The following ST6GALNAC3 variants were observed in gnomAD, a reference collection of about 807,000 sequenced individuals.
The protein encoded by ST6GALNAC3 is alpha-N-acetylgalactosaminide alpha-2,6-sialyltransferase 3.
ST6GALNAC3 carries 25 observed loss-of-function variants against 32.7 expected under a neutral mutation model. The observed-to-expected ratio is 0.76, with a 90% CI of 0.56 to 1.07. The LOEUF is 1.07. ST6GALNAC3 is among the 50% of genes least tolerant of loss of function. The pLI is 0.00. For synonymous variants in ST6GALNAC3, 129 were observed against 133.1 expected, an observed-to-expected ratio of 0.97 and a Z score of 0.21; for missense variants, 355 against 382.4, an observed-to-expected ratio of 0.93 and a Z score of 0.60.
intron 2 of ST6GALNAC3, among the ~76,000 whole-genome samples, chr1:76,404,685 C>A (rs909233000): frequency 6.6e-6 from 1 of 152,018 alleles, no homozygotes; most frequent in Non-Finnish European, 1.5e-5. Flanking sequence ...GTCTCTGGAG[C>A]TTTGTTCAAC....
intron 2 of ST6GALNAC3, among the ~76,000 whole-genome samples, chr1:76,334,919 G>C (rs1245222198): frequency 6.6e-6 from 1 of 151,992 alleles, no homozygotes; most frequent in Non-Finnish European, 1.5e-5. Context: ...ATAACTCCTG[G>C]GTGTGCATTA....
intron 3 of ST6GALNAC3, among the ~76,000 whole-genome samples, chr1:76,430,517 C>T (rs930074318): frequency 1.1e-4 from 17 of 152,178 alleles, no homozygotes; most frequent in Admixed American, 4.6e-4. Context: ...AGCTGAAATG[C>T]TGTTCCTTTT....
At chr1:76,454,192 T>G (rs1657605085) in intron 3 of ST6GALNAC3, among the ~76,000 whole-genome samples, 1 of 152,296 alleles carries the variant, frequency 6.6e-6, no homozygotes, top group South Asian at 2.1e-4. Context: ...GGTGAGTCTC[T>G]TGAAGACAGC....
chr1:76,509,188 GCAGTCTAGGACAAATAAA>G lies in ST6GALNAC3; in HGVS notation c.623+96775_623+96792del. Among the ~76,000 whole-genome samples the G allele has an allele frequency of 6.6e-6, 1 of 152,312 alleles. No homozygotes were observed. Among genetic ancestry groups the G allele is most frequent in the South Asian group, 2.1e-4 (1 of 4,824 alleles). ...TAAGAAAGTATCTCTATCACTCAGT[GCAGTCTAGGACAAATAAA>G]CAGGCAAACAAACAGGAAAACACAA... On this transcript the variant is annotated intron_variant, in intron 3 of 4. Transcript: ENST00000328299. The surrounding 1 kb of genome is among the most constrained non-coding windows in gnomAD (Gnocchi z 5.5).
At position 76,339,447 on chromosome 1, in the gene ST6GALNAC3, A is replaced by G. The variant is rs997131440; in HGVS notation, c.213+25448A>G. 3.0e-4 allele frequency among the ~76,000 whole-genome samples: 45 copies of G among 152,030 alleles called. 1 individual carries two copies. The highest frequency in any genetic ancestry group is 2.9e-3 in the Admixed American group (45 of 15,262). ...TCCCTAGAGCATTCAGATGGAACACACTCCTGCTGATACCTTGATTTTAAC... is the reference window on the plus strand; with the variant it reads ...TCCCTAGAGCATTCAGATGGAACACGCTCCTGCTGATACCTTGATTTTAAC... On this transcript the variant is annotated intron_variant, in intron 2 of 4. Transcript: ENST00000328299.
At chr1:76,099,726 G>T (rs1045540509) in intron 1 of ST6GALNAC3, among the ~76,000 whole-genome samples, 1 of 151,956 alleles carries the variant, frequency 6.6e-6, no homozygotes, top group African/African-American at 2.4e-5. Context: ...TATCAACTGG[G>T]GTGATGATTA....
intron 1 of ST6GALNAC3, among the ~76,000 whole-genome samples, chr1:76,110,384 G>A (rs1486462158): frequency 2.0e-5 from 3 of 152,226 alleles, no homozygotes; most frequent in Admixed American, 1.3e-4. Context: ...ATGCTTAAAT[G>A]CTTTCAAAAA....
intron 1 of ST6GALNAC3, among the ~76,000 whole-genome samples, chr1:76,143,295 T>TA (rs1227662397): frequency 1.3e-5 from 2 of 152,084 alleles, no homozygotes; most frequent in Non-Finnish European, 2.9e-5. Context: ...TCCTCACCAG[T>TA]CATTTGGCAG....
Position 76,327,281 on chromosome 1 carries a change from T to TGTGG in ST6GALNAC3, c.213+13285_213+13286insGGTG, listed in dbSNP as rs1186988918. On this transcript the variant is annotated intron_variant, in intron 2 of 4. Coordinates refer to ENST00000328299, the MANE Select transcript of ST6GALNAC3 (RefSeq NM_152996.4). ...GGATGTGTATGTATATATGCGTGTG[T>TGTGG]GTGTGTGTGTGTGTGTGTGTGTGTG... Among the ~76,000 whole-genome samples the TGTGG allele has an allele frequency of 5.5e-5, 5 of 91,528 alleles. No individual in the cohort carries two copies. In the East Asian group the frequency reaches 1.0e-3, roughly 19 times the overall value. 60.0% of individuals were successfully genotyped at this position (91,528 alleles called of 152,430 possible). A position where few individuals can be genotyped will look rare whatever the true frequency, so the allele number is the denominator to read the frequency against.
At chr1:76,141,490 A>G (rs778862778) in intron 1 of ST6GALNAC3, among the ~76,000 whole-genome samples, 6 of 152,184 alleles carry the variant, frequency 3.9e-5, no homozygotes, top group Non-Finnish European at 7.3e-5. Flanking sequence ...TAGAGAATCC[A>G]TGTCAGAGGA....
chr1:76,130,970 A>G (rs996093438), intron 1 of ST6GALNAC3, among the ~76,000 whole-genome samples: 1 of 152,218 alleles, frequency 6.6e-6, no homozygotes, highest in Non-Finnish European at 1.5e-5. Flanking sequence ...TTCACTGCTC[A>G]TTGCTGAGAA....
At chr1:76,614,705 C>T (rs561572707) in intron 3 of ST6GALNAC3, among the ~76,000 whole-genome samples, 120 of 119,330 alleles carry the variant, frequency 1.0e-3, no homozygotes, top group Middle Eastern at 0.012. Flanking sequence ...GGTGACAGAG[C>T]GAGACTCCAT....
At chr1:76,297,982 A>C (rs903427731) in intron 1 of ST6GALNAC3, among the ~76,000 whole-genome samples, 9 of 152,036 alleles carry the variant, frequency 5.9e-5, no homozygotes, top group Admixed American at 2.0e-4. Flanking sequence ...AGAAAAAAAA[A>C]CTATACTAAT....
intron 1 of ST6GALNAC3, among the ~76,000 whole-genome samples, chr1:76,131,239 A>C (rs1649590185): frequency 1.3e-5 from 2 of 152,190 alleles, no homozygotes; most frequent in South Asian, 4.1e-4. Flanking sequence ...TTATGGCCCA[A>C]CTGGTGTTAG....
intron 3 of ST6GALNAC3, among the ~76,000 whole-genome samples, chr1:76,569,033 G>A (rs181870684): frequency 2.8e-4 from 43 of 152,218 alleles, no homozygotes; most frequent in African/African-American, 9.4e-4. Flanking sequence ...AGACCTTAAT[G>A]AGTACTGCTT....
intron 3 of ST6GALNAC3, among the ~76,000 whole-genome samples, chr1:76,457,014 A>G (rs1409297153): frequency 2.0e-5 from 3 of 151,594 alleles, no homozygotes; most frequent in East Asian, 3.9e-4. Flanking sequence ...GTCTCAGGAT[A>G]CAAAATCAAT....
chr1:76,586,089 T>C lies in ST6GALNAC3; in HGVS notation c.624-41363T>C, dbSNP rs535635437. 1.5e-4 allele frequency among the ~76,000 whole-genome samples: 23 copies of C among 152,330 alleles called. No individual in the cohort carries two copies. The East Asian group carries it at 4.4e-3, about 29-fold the overall frequency. On this transcript the variant is annotated intron_variant, in intron 3 of 4. Coordinates refer to ENST00000328299, the MANE Select transcript of ST6GALNAC3 (RefSeq NM_152996.4). ...TCATCAAATTCTGTGGACTCTGTTT[T>C]GGTCTGTCCTAATCTCAACCCTTCT...
chr1:76,321,660 C>T (rs143913081), intron 2 of ST6GALNAC3, among the ~76,000 whole-genome samples: 37 of 152,298 alleles, frequency 2.4e-4, no homozygotes, highest in African/African-American at 8.4e-4. Flanking sequence ...ATCCATCAGT[C>T]AGTGCAGGTG....
chr1:76,545,657 C>CT (rs35495132), intron 3 of ST6GALNAC3, among the ~76,000 whole-genome samples: 1 of 134,580 alleles, frequency 7.4e-6, no homozygotes, highest in African/African-American at 2.7e-5. Context: ...GATGAAGAAA[C>CT]TTTTTTTTTT....
Sources: gnomAD v4.1 joint callset for allele counts (sites outside exome capture counted in the v4.1 genomes callset) on GRCh38, gnomAD v4.1.1 for gene constraint, Gnocchi (gnomAD v3.1) non-coding constraint, MANE v1.5 for transcripts, NCBI Gene and HGNC (gene_info 2026-07-23, HGNC 2026-07-21) for gene names.